The following TGFA variants were observed in gnomAD, a reference collection of about 807,000 sequenced individuals.
TGFA encodes protransforming growth factor alpha.
In TGFA, 12 loss-of-function variants were observed where a neutral mutation model predicts 21.7. The observed-to-expected ratio is 0.55, with a 90% CI of 0.35 to 0.90. The LOEUF (loss-of-function observed/expected upper bound fraction) is 0.90. Ranked by LOEUF, TGFA falls within the 40% of genes least tolerant of loss-of-function variation. TGFA has a pLI of 0.01. For synonymous variants in TGFA, 79 were observed against 88.1 expected, an observed-to-expected ratio of 0.90 and a Z score of 0.58; for missense variants, 178 against 210.8, an observed-to-expected ratio of 0.84 and a Z score of 0.96.
chr2:70,449,305 T>G lies in TGFA; in HGVS notation c.*1554A>C, dbSNP rs1272417387. ...AATTTAACATATTTTAAATGTACCT[T>G]TCACGATGTAATAAGCTAGGTGCAC... On this transcript the variant is annotated 3_prime_UTR_variant, in exon 6 of 6. Coordinates refer to ENST00000295400, the MANE Select transcript of TGFA (RefSeq NM_003236.4). The G allele has an allele frequency of 6.6e-6, 1 of 152,350 alleles. No homozygotes were observed. The highest frequency in any genetic ancestry group is 1.5e-5 in the Non-Finnish European group (1 of 68,126). The allele number at this position is 152,350 out of a possible 1,614,324, so 9.4% of individuals were successfully genotyped here.
intron 4 of TGFA, among the ~76,000 whole-genome samples, chr2:70,456,062 A>T (rs559328678): frequency 1.2e-4 from 18 of 152,336 alleles, no homozygotes; most frequent in African/African-American, 3.8e-4. Flanking sequence ...GACTCCAACA[A>T]CCGTGGAAAG....
chr2:70,532,464 T>G (rs1247363810), intron 1 of TGFA, among the ~76,000 whole-genome samples: 1 of 152,192 alleles, frequency 6.6e-6, no homozygotes, highest in African/African-American at 2.4e-5. Context: ...CTCCAGCCTC[T>G]GGGGCCTTGG....
intron 4 of TGFA, among the ~76,000 whole-genome samples, chr2:70,454,401 G>T (rs1553490158): frequency 6.6e-6 from 1 of 152,258 alleles, no homozygotes; most frequent in African/African-American, 2.4e-5. Context: ...TTATGTTACA[G>T]GTGAAAACCG....
chr2:70,461,386 G>A (rs1368939975), intron 3 of TGFA, among the ~76,000 whole-genome samples: 1 of 152,178 alleles, frequency 6.6e-6, no homozygotes, highest in Non-Finnish European at 1.5e-5. Context: ...CTGGGGAGGC[G>A]CCACCTTGGT....
rs1231032630 is a variant in TGFA at position 70,503,568 on chromosome 2, T to TATA, written c.94+11288_94+11290dup. On this transcript the variant is annotated intron_variant, in intron 2 of 5. Coordinates refer to ENST00000295400, the MANE Select transcript of TGFA (RefSeq NM_003236.4). ...CGCACATGTACCCTAAAACCTAAAG[T>TATA]ATAATAATAATAATAAAAAAAAAAA... is the stretch of plus-strand genomic sequence containing the variant. Among the ~76,000 whole-genome samples the TATA allele has an allele frequency of 8.9e-5, 12 of 134,686 alleles. No individual in the cohort carries two copies. In the East Asian group the frequency reaches 1.4e-3, roughly 16 times the overall value. 88.4% of individuals were successfully genotyped at this position (134,686 alleles called of 152,430 possible). A position where few individuals can be genotyped will look rare whatever the true frequency, so the allele number is the denominator to read the frequency against.
At chr2:70,508,968 A>G (rs1218605198) in intron 2 of TGFA, among the ~76,000 whole-genome samples, 1 of 152,234 alleles carries the variant, frequency 6.6e-6, no homozygotes, top group East Asian at 1.9e-4. Context: ...TTCCTTTGCA[A>G]AAAAAGTAGA....
intron 1 of TGFA, among the ~76,000 whole-genome samples, chr2:70,547,559 A>AC (rs201661981): frequency 0.01 from 1,465 of 145,488 alleles, 23 homozygotes; most frequent in African/African-American, 0.035. Context: ...AAAAAAAAAA[A>AC]ACATGAAAAA....
intron 5 of TGFA, among the ~76,000 whole-genome samples, chr2:70,452,767 C>A (rs1410842237): frequency 6.6e-6 from 1 of 152,074 alleles, no homozygotes; most frequent in African/African-American, 2.4e-5. Flanking sequence ...TACTGCGAAA[C>A]CCCGTCTCTA....
chr2:70,519,629 T>A (rs1207506062), intron 1 of TGFA, among the ~76,000 whole-genome samples: 8 of 152,226 alleles, frequency 5.3e-5, no homozygotes, highest in African/African-American at 1.9e-4. Context: ...AAAGTAGCCA[T>A]GTGGCATCTC....
intron 2 of TGFA, among the ~76,000 whole-genome samples, chr2:70,489,254 C>T (rs561110507): frequency 2.0e-5 from 3 of 152,236 alleles, no homozygotes; most frequent in East Asian, 1.9e-4. Flanking sequence ...AAAAGGTGGG[C>T]GTTGGAATGC....
At chr2:70,474,941 A>T (rs1670875523) in intron 2 of TGFA, among the ~76,000 whole-genome samples, 3 of 151,826 alleles carry the variant, frequency 2.0e-5, no homozygotes, top group Admixed American at 2.0e-4. Context: ...TTTCCTACAA[A>T]GATACTGGTT....
rs552708707 is a variant in TGFA, at chr2:70,472,555, G to A, written c.95-6819C>T. The stretch of plus-strand genomic sequence containing the variant: ...TCTGGAATAGCAATTGAGGGGCAGG[G>A]AAATCCCCCATCCAATTCACAGGAG... On this transcript the variant is annotated intron_variant, in intron 2 of 5. Transcript: ENST00000295400. 1.2e-4 allele frequency among the ~76,000 whole-genome samples: 19 copies of A among 152,274 alleles called. No individual in the cohort carries two copies. The East Asian group carries it at 3.7e-3, about 29-fold the overall frequency.
chr2:70,529,647 C>T (rs1460638567), intron 1 of TGFA, among the ~76,000 whole-genome samples: 5 of 151,964 alleles, frequency 3.3e-5, no homozygotes, highest in Non-Finnish European at 5.9e-5. Flanking sequence ...GAGGGCACAC[C>T]GGGAAATGAG....
At position 70,492,228 on chromosome 2, in the gene TGFA, C is replaced by T. The variant is rs184503968; in HGVS notation, c.94+22631G>A. Among the ~76,000 whole-genome samples the T allele has an allele frequency of 7.1e-4, 108 of 152,294 alleles. 1 individual carries two copies. The highest frequency in any genetic ancestry group is 6.2e-4 in the South Asian group (3 of 4,824). ...AGAGCAAGCTTGTCCTATATTGATG[C>T]GAGCTACCCCATAACCTATAATTGC... On this transcript the variant is annotated intron_variant, in intron 2 of 5. Coordinates refer to ENST00000295400, the MANE Select transcript of TGFA (RefSeq NM_003236.4).
At chr2:70,539,272 G>A (rs416254) in intron 1 of TGFA, among the ~76,000 whole-genome samples, 69,853 of 151,858 alleles carry the variant, frequency 0.46, 16,726 homozygotes, top group African/African-American at 0.56. Context: ...TGGGCCTGCT[G>A]TATCTCTGAG....
Position 70,521,094 on chromosome 2 carries a change from G to A in TGFA, c.41-6182C>T, listed in dbSNP as rs558731342. ...TGTTAGACTGGTTTTCTTGCCAACA[G>A]CTTAAAAAAAAAAATCTTTGCTCCT... On this transcript the variant is annotated intron_variant, in intron 1 of 5. Transcript: ENST00000295400. 2.2e-3 allele frequency among the ~76,000 whole-genome samples: 328 copies of A among 149,064 alleles called. 1 individual carries two copies. Among genetic ancestry groups the A allele is most frequent in the African/African-American group, 8.0e-3 (313 of 38,948 alleles).
chr2:70,529,452 G>T (rs143450936), intron 1 of TGFA, among the ~76,000 whole-genome samples: 1 of 152,124 alleles, frequency 6.6e-6, no homozygotes, highest in East Asian at 1.9e-4. Context: ...TTTTCATCAC[G>T]GATGCGTGTA....
intron 5 of TGFA, chr2:70,451,842 C>T: frequency 1.5e-6 from 1 of 671,086 alleles, no homozygotes; most frequent in South Asian, 1.6e-5. Flanking sequence ...GGGACCCAAG[C>T]AGGCTGTCAT....
chr2:70,479,134 C>T (rs1036323884), intron 2 of TGFA, among the ~76,000 whole-genome samples: 4 of 152,090 alleles, frequency 2.6e-5, no homozygotes, highest in African/African-American at 4.8e-5. Context: ...GACACATTAT[C>T]GCTGGTTTTG....
Sources: allele counts gnomAD v4.1 joint callset (sites outside exome capture counted in the v4.1 genomes callset), GRCh38; gene constraint gnomAD v4.1.1; transcripts MANE v1.5; gene names NCBI Gene and HGNC (gene_info 2026-07-23, HGNC 2026-07-21).